Variants in FBXL22 observed in about 807,000 individuals in gnomAD.
FBXL22 encodes F-box and leucine rich repeat protein 22, also known as F-box and leucine-rich protein 22.
A neutral mutation model predicts 11.7 loss-of-function variants in FBXL22; 13 were observed. The ratio of observed to expected loss-of-function variants is 1.11; its 90% CI spans 0.73 to 1.77. FBXL22 has a LOEUF of 1.77. Ranked by LOEUF, FBXL22 falls within the 40% of genes most tolerant of loss-of-function variation. The pLI, the probability that FBXL22 is intolerant of heterozygous loss-of-function variation, is 0.00. For missense variants in FBXL22, 406 were observed against 320.4 expected, an observed-to-expected ratio of 1.27 and a Z score of -2.04; for synonymous variants, 160 against 144.1, an observed-to-expected ratio of 1.11 and a Z score of -0.79.
chr15:63,600,239 AACAAATCCCTCTTCCC>A (rs2067345528), intron 1 of FBXL22: 2 of 989,236 alleles, frequency 2.0e-6, no homozygotes, highest in Non-Finnish European at 2.4e-6. Context: ...CCTCCAAGGA[AACAAATCCCTCTTCCC>A]ACTCACGTCC....
rs2067321522 is a variant in FBXL22 at position 63,599,087 on chromosome 15, A to C, written c.353+1342A>C. ...GTCCAACCATGTGACCCCAGCTCAAATACTTCAAACTCTTGCAACCTCATT... is the reference window on the plus strand; with the variant it reads ...GTCCAACCATGTGACCCCAGCTCAACTACTTCAAACTCTTGCAACCTCATT... On this transcript the variant is annotated intron_variant, in intron 1 of 1. Coordinates refer to ENST00000638704, the MANE Select transcript of FBXL22 (RefSeq NM_001367807.1). 16 of 1,019,974 alleles carry C rather than the reference A, an allele frequency of 1.6e-5. 1 individual carries two copies. Among genetic ancestry groups the C allele is most frequent in the South Asian group, 1.5e-4 (11 of 71,760 alleles). The allele number at this position is 1,019,974 out of a possible 1,614,324, so 63.2% of individuals were successfully genotyped here. A position where few individuals can be genotyped will look rare whatever the true frequency, so the allele number is the denominator to read the frequency against.
chr15:63,600,838 T>A lies in FBXL22; in HGVS notation c.495T>A (p.Ala165=). 6 of 1,230,408 alleles carry A rather than the reference T, an allele frequency of 4.9e-6. No individual in the cohort carries two copies. Among genetic ancestry groups the A allele is most frequent in the Non-Finnish European group, 6.1e-6 (6 of 987,092 alleles). The allele number at this position is 1,230,408 out of a possible 1,614,324, so 76.2% of individuals were successfully genotyped here. The change falls in exon 2 of 2, where the codon GCT becomes GCA. Residue 165 remains alanine (A), a synonymous_variant. Transcript: ENST00000638704. ...NCARVTNRTL[A]AVAADGRALQ... is the part of the protein sequence containing the mutation. ...CGCGCGTCACCAACCGCACGTTGGC[T>A]GCCGTGGCGGCGGACGGGCGCGCGC... is the stretch of plus-strand genomic sequence containing the variant.
intron 1 of FBXL22, among the ~76,000 whole-genome samples, chr15:63,598,587 T>TG (rs935604836): frequency 1.3e-5 from 2 of 152,174 alleles, no homozygotes; most frequent in African/African-American, 4.8e-5. Flanking sequence ...GCCAGTCCCG[T>TG]GCTGCCTTTG....
chr15:63,601,992 C>T (rs1175797259), downstream of FBXL22: 4 of 332,784 alleles, frequency 1.2e-5, no homozygotes, highest in Non-Finnish European at 2.2e-5. Context: ...AGGCTCTCGG[C>T]CCCCCGGCAG....
In FBXL22 at chr15:63,601,179, C is replaced by CT; in HGVS notation, c.*141dup. The stretch of plus-strand genomic sequence containing the variant: ...GTCTGCACAGTGGGGATAAGAAAGC[C>CT]TACCTCACGTTACGATTTTATACAT... On this transcript the variant is annotated 3_prime_UTR_variant, in exon 2 of 2. Transcript: ENST00000638704. 6.9e-7 allele frequency: 1 copy of CT among 1,457,290 alleles called. No homozygotes were observed. The highest frequency in any genetic ancestry group is 9.0e-7 in the Non-Finnish European group (1 of 1,112,770). 90.3% of individuals were successfully genotyped at this position (1,457,290 alleles called of 1,614,324 possible).
rs946427841 is a variant in FBXL22 at position 63,600,882 on chromosome 15, A to G, written c.539A>G (p.Asp180Gly). 1 of 1,226,438 alleles carries G rather than the reference A, an allele frequency of 8.2e-7. No homozygotes were observed. Among genetic ancestry groups the G allele is most frequent in the African/African-American group, 1.6e-5 (1 of 64,112 alleles). The allele number at this position is 1,226,438 out of a possible 1,614,324, so 76.0% of individuals were successfully genotyped here. A position where few individuals can be genotyped will look rare whatever the true frequency, so the allele number is the denominator to read the frequency against. ...CGCGCGCTGCAGACATTGCACGTGG[A>G]CTTCTGCCGCAACGTGAGCGCGGCC... ...DGRALQTLHV[D>G]FCRNVSAAGL... Residue 180 changes from aspartate to glycine, a missense_variant, in exon 2 of 2, where the codon GAC becomes GGC. Asp to Gly is a moderately conservative substitution (Grantham distance 94). Coordinates refer to ENST00000638704, the MANE Select transcript of FBXL22 (RefSeq NM_001367807.1).
the FBXL22 span, among the ~76,000 whole-genome samples, chr15:63,607,540 T>C: frequency 6.6e-6 from 1 of 152,280 alleles, no homozygotes. Context: ...AAGCCTTTTT[T>C]CAATAAAACG....
At chr15:63,603,815 G>A (rs1359829002), downstream of FBXL22, among the ~76,000 whole-genome samples, 1 of 152,184 alleles carries the variant, frequency 6.6e-6, no homozygotes, top group Non-Finnish European at 1.5e-5. Flanking sequence ...GCAGTGGAGT[G>A]GCAGGACTCT....
downstream of FBXL22, among the ~76,000 whole-genome samples, chr15:63,605,060 A>G (rs2067406887): frequency 6.6e-6 from 1 of 152,136 alleles, no homozygotes; most frequent in African/African-American, 2.4e-5. Context: ...TCCGTCTCAA[A>G]AACAAAAAAA....
At position 63,600,775 on chromosome 15, in the gene FBXL22, C is replaced by T; in HGVS notation, c.432C>T (p.Cys144=). ...TDDCLARLLR[C]CPRLRALRLE... is the part of the protein sequence containing the mutation. ...ACTGCCTGGCGCGCCTGCTGCGCTG[C>T]TGCCCACGCCTGCGCGCACTGCGCC... Residue 144 remains cysteine (C), a synonymous_variant, in exon 2 of 2, where the codon TGC becomes TGT. Transcript: ENST00000638704. The T allele has an allele frequency of 8.1e-7, 1 of 1,231,290 alleles. No individual in the cohort carries two copies. 76.3% of individuals were successfully genotyped at this position (1,231,290 alleles called of 1,614,324 possible).
chr15:63,598,342 A>G (rs1013976458), intron 1 of FBXL22, among the ~76,000 whole-genome samples: 4 of 152,188 alleles, frequency 2.6e-5, no homozygotes, highest in Non-Finnish European at 5.9e-5. Context: ...GGGTTGCCAG[A>G]TTTTAGCAAA....
downstream of FBXL22, chr15:63,601,613 C>G (rs2067373878): frequency 6.3e-7 from 1 of 1,597,822 alleles, no homozygotes; most frequent in African/African-American, 1.3e-5. Context: ...CACCGAGCCG[C>G]TCCTCCTTGC....
At chr15:63,599,230 T>G in intron 1 of FBXL22, 2 of 1,535,670 alleles carry the variant, frequency 1.3e-6, no homozygotes. Context: ...CTGGTTCTTC[T>G]GGCACTCAGC....
chr15:63,597,388 C>T lies in FBXL22; in HGVS notation c.-5C>T. The stretch of plus-strand genomic sequence containing the variant: ...CAGCCGTCCCCCGGCTGCAGCTGCA[C>T]TCACATGTGGCCACTGCTCACCATG... On this transcript the variant is annotated 5_prime_UTR_variant, in exon 1 of 2. Transcript: ENST00000638704. The surrounding 1 kb of genome is among the most constrained non-coding windows in gnomAD (Gnocchi z 4.3). 6.3e-7 allele frequency: 1 copy of T among 1,596,392 alleles called. No individual in the cohort carries two copies. The highest frequency in any genetic ancestry group is 8.6e-7 in the Non-Finnish European group (1 of 1,167,200).
At chr15:63,604,724 G>T (rs533080895), downstream of FBXL22, among the ~76,000 whole-genome samples, 1 of 152,216 alleles carries the variant, frequency 6.6e-6, no homozygotes, top group Middle Eastern at 3.4e-3. Context: ...GTCCAGGGAG[G>T]GCATGGAATC....
chr15:63,598,632 G>T (rs1595793819), intron 1 of FBXL22, among the ~76,000 whole-genome samples: 1 of 152,298 alleles, frequency 6.6e-6, no homozygotes, highest in East Asian at 1.9e-4. Context: ...TAACAAACTG[G>T]CCCTGGCTGT....
In FBXL22 at chr15:63,597,733, G is replaced by T; in HGVS notation, c.341G>T (p.Arg114Leu). 2 of 1,582,022 alleles carry T rather than the reference G, an allele frequency of 1.3e-6. No individual in the cohort carries two copies. Among genetic ancestry groups the T allele is most frequent in the South Asian group, 1.1e-5 (1 of 88,004 alleles). Residue 114 changes from arginine to leucine, a missense_variant, in exon 1 of 2, where the codon CGG becomes CTG. Arg to Leu is a moderately radical substitution (Grantham distance 102). Transcript: ENST00000638704. The surrounding 1 kb of genome is among the most constrained non-coding windows in gnomAD (Gnocchi z 4.3). ...HESLVNDFLL[R>L]VCDRCPNLAS... ...AGCCTGGTCAATGATTTCCTCCTCC[G>T]GGTGTGCGACAGGTAGGCCACCTTG...
At chr15:63,601,265 C>A, downstream of FBXL22, 1 of 1,541,970 alleles carries the variant, frequency 6.5e-7, no homozygotes, top group South Asian at 1.2e-5. Context: ...CACTCAACAC[C>A]ACCGCCTTTC....
At position 63,600,515 on chromosome 15, in the gene FBXL22, A is replaced by G. The variant is rs1052804980; in HGVS notation, c.354-182A>G. 4 of 1,227,914 alleles carry G rather than the reference A, an allele frequency of 3.3e-6. No homozygotes were observed. In the Admixed American group the frequency reaches 1.7e-4, roughly 52 times the overall value. The allele number at this position is 1,227,914 out of a possible 1,614,324, so 76.1% of individuals were successfully genotyped here. ...AGGTACGGTGGGGTGCAGGGGCAGAAAGAGGAGGGAAAATGGGCCGGCCAG... is the reference window on the plus strand; with the variant it reads ...AGGTACGGTGGGGTGCAGGGGCAGAGAGAGGAGGGAAAATGGGCCGGCCAG... On this transcript the variant is annotated intron_variant, in intron 1 of 1. Coordinates refer to ENST00000638704, the MANE Select transcript of FBXL22 (RefSeq NM_001367807.1).
Sources: allele counts gnomAD v4.1 joint callset (sites outside exome capture counted in the v4.1 genomes callset), GRCh38; gene constraint gnomAD v4.1.1; non-coding constraint Gnocchi (gnomAD v3.1); transcripts MANE v1.5; gene names NCBI Gene and HGNC (gene_info 2026-07-23, HGNC 2026-07-21).